Variants in PCDHA13 observed in about 807,000 individuals in gnomAD.
PCDHA13 encodes the protein protocadherin alpha 13.
PCDHA13 carries 54 observed loss-of-function variants against 64.8 expected under a neutral mutation model. That is an observed-to-expected ratio of 0.83 (90% CI 0.67 to 1.04). The LOEUF (loss-of-function observed/expected upper bound fraction) is 1.04, where lower values mean the gene tolerates loss of function less well. PCDHA13 is among the 50% of genes least tolerant of loss of function. PCDHA13 has a pLI of 0.00. For synonymous variants in PCDHA13, 587 were observed against 564.4 expected (o/e 1.04, Z -0.57); for missense variants, 1,248 against 1,254.3 (o/e 0.99, Z 0.08).
chr5:140,975,516 G>T (rs1310855349), intron 1 of PCDHA13, among the ~76,000 whole-genome samples: 1 of 152,166 alleles, frequency 6.6e-6, no homozygotes, highest in Non-Finnish European at 1.5e-5. Flanking sequence ...TGCAAAATCT[G>T]CAGTGGATAT....
intron 1 of PCDHA13, among the ~76,000 whole-genome samples, chr5:140,889,614 AT>A (rs1488109035): frequency 5.9e-5 from 9 of 151,496 alleles, no homozygotes; most frequent in Admixed American, 5.9e-4. Flanking sequence ...AATTATACTG[AT>A]TCATTTCTCT....
chr5:140,986,308 A>G (rs1399323765), intron 3 of PCDHA13, among the ~76,000 whole-genome samples: 1 of 152,162 alleles, frequency 6.6e-6, no homozygotes, highest in African/African-American at 2.4e-5. Context: ...AGAGAAAATT[A>G]GCTAAATCAG....
chr5:140,928,944 A>G (rs782627710), intron 1 of PCDHA13: 1 of 1,614,070 alleles, frequency 6.2e-7, no homozygotes, highest in South Asian at 1.1e-5. Context: ...ACTTGTATTT[A>G]GTAATTGCCT....
chr5:140,966,922 G>A (rs782206344), intron 1 of PCDHA13: 5 of 1,603,072 alleles, frequency 3.1e-6, no homozygotes, highest in Non-Finnish European at 4.2e-6. Context: ...CAGAGGAGCA[G>A]GCACCCGGCG....
chr5:140,966,962 G>A (rs370831122), intron 1 of PCDHA13: 1 of 1,602,750 alleles, frequency 6.2e-7, no homozygotes, highest in Non-Finnish European at 8.5e-7. Context: ...TCGCGCGCTG[G>A]GGCTTGAGCT....
chr5:140,907,727 C>T (rs2153502591), intron 1 of PCDHA13, among the ~76,000 whole-genome samples: 1 of 152,306 alleles, frequency 6.6e-6, no homozygotes, highest in Admixed American at 6.5e-5. Flanking sequence ...AACCTCCATC[C>T]CTGCCACCAT....
chr5:140,961,343 T>C (rs2095605708), intron 1 of PCDHA13, among the ~76,000 whole-genome samples: 1 of 152,210 alleles, frequency 6.6e-6, no homozygotes, highest in South Asian at 2.1e-4. Flanking sequence ...CAAGAGTGGA[T>C]CCCTGTAGTC....
At chr5:140,915,626 GTCTCTCTCTCTCTC>G in intron 1 of PCDHA13, among the ~76,000 whole-genome samples, 1 of 146,536 alleles carries the variant, frequency 6.8e-6, no homozygotes, top group Non-Finnish European at 1.5e-5. Flanking sequence ...GTCTCTTTCT[GTCTCTCTCTCTCTC>G]TCTCTCTCTC....
At chr5:140,926,957 T>G in intron 1 of PCDHA13, 1 of 1,602,892 alleles carries the variant, frequency 6.2e-7, no homozygotes, top group Non-Finnish European at 8.5e-7. Context: ...GCGGGACAGC[T>G]CGAGTACTCA....
At chr5:140,974,335 G>T (rs1481372488) in intron 1 of PCDHA13, among the ~76,000 whole-genome samples, 2 of 152,158 alleles carry the variant, frequency 1.3e-5, no homozygotes, top group African/African-American at 4.8e-5. Context: ...GTGCTAGCAG[G>T]CTATGCATCC....
chr5:140,957,717 A>G (rs2095377934), intron 1 of PCDHA13, among the ~76,000 whole-genome samples: 1 of 152,166 alleles, frequency 6.6e-6, no homozygotes, highest in African/African-American at 2.4e-5. Context: ...TTATTAAGAA[A>G]GAAGCAGAAT....
chr5:141,005,584 C>T (rs1307831783), intron 3 of PCDHA13, among the ~76,000 whole-genome samples: 2 of 151,062 alleles, frequency 1.3e-5, no homozygotes, highest in Non-Finnish European at 2.9e-5. Context: ...TGCCTGTAGT[C>T]CCAGCTACAC....
intron 3 of PCDHA13, among the ~76,000 whole-genome samples, chr5:140,996,540 T>C (rs2097730922): frequency 1.3e-5 from 2 of 152,218 alleles, no homozygotes. Flanking sequence ...TGTTTTGATA[T>C]TATGCTGTCA....
chr5:140,882,301 G>T lies in PCDHA13; in HGVS notation c.33G>T (p.Pro11=). Residue 11 remains proline (P), a synonymous_variant, in exon 1 of 4, where the codon CCG becomes CCT. Transcript: ENST00000289272. The part of the protein sequence containing the change: MLSSWQGGPR[P]RQLLLWLLIL... ...CTTCCTGGCAAGGAGGCCCAAGACCGCGGCAACTACTGCTCTGGCTTCTGA... is the reference window on the plus strand; with the variant it reads ...CTTCCTGGCAAGGAGGCCCAAGACCTCGGCAACTACTGCTCTGGCTTCTGA... 6.2e-7 allele frequency: 1 copy of T among 1,613,800 alleles called. No homozygotes were observed. The highest frequency in any genetic ancestry group is 8.5e-7 in the Non-Finnish European group (1 of 1,179,746).
rs1582596670 is a variant in PCDHA13, at chr5:140,882,172, T to C, written c.-97T>C. On this transcript the variant is annotated 5_prime_UTR_variant, in exon 1 of 4. Transcript: ENST00000289272. ...AAGCGGAATACCTCTTGCGAATCCT[T>C]CCGCACTAGGAAGCCATAAAAATTG... 2 of 1,514,998 alleles carry C rather than the reference T, an allele frequency of 1.3e-6. No individual in the cohort carries two copies. The highest frequency in any genetic ancestry group is 2.7e-5 in the South Asian group (2 of 74,060). The allele number at this position is 1,514,998 out of a possible 1,614,324, so 93.8% of individuals were successfully genotyped here.
intron 1 of PCDHA13, among the ~76,000 whole-genome samples, chr5:140,924,235 G>C (rs1320085802): frequency 6.6e-6 from 1 of 152,208 alleles, no homozygotes; most frequent in Non-Finnish European, 1.5e-5. Flanking sequence ...TTTATGGGCT[G>C]TTTTGCATCC....
chr5:140,889,760 A>T (rs1228592233), intron 1 of PCDHA13, among the ~76,000 whole-genome samples: 1 of 152,158 alleles, frequency 6.6e-6, no homozygotes, highest in Admixed American at 6.5e-5. Flanking sequence ...CTTTCCTTGA[A>T]CTTTGACTGG....
intron 1 of PCDHA13, among the ~76,000 whole-genome samples, chr5:140,924,551 AT>A (rs2153572839): frequency 6.6e-6 from 1 of 152,240 alleles, no homozygotes; most frequent in African/African-American, 2.4e-5. Context: ...TCTCCCCACC[AT>A]TTTAATCAGC....
At chr5:140,885,910 T>C (rs55634134) in intron 1 of PCDHA13, among the ~76,000 whole-genome samples, 4,308 of 152,302 alleles carry the variant, frequency 0.028, 189 homozygotes, top group African/African-American at 0.098. Context: ...CTGTACCTTA[T>C]AGATATTAAC....
Sources: allele counts gnomAD v4.1 joint callset (sites outside exome capture counted in the v4.1 genomes callset), GRCh38; gene constraint gnomAD v4.1.1; transcripts MANE v1.5; gene names NCBI Gene and HGNC (gene_info 2026-07-23, HGNC 2026-07-21).